Variants in LARGE1 observed in about 807,000 individuals in gnomAD.
LARGE1 encodes the protein xylosyl- and glucuronyltransferase LARGE1.
A neutral mutation model predicts 87.6 loss-of-function variants in LARGE1; 43 were observed. The ratio of observed to expected loss-of-function variants is 0.49; its 90% CI spans 0.38 to 0.63. The LOEUF is 0.63. Ranked by LOEUF, LARGE1 falls within the 30% of genes least tolerant of loss-of-function variation. The pLI, the probability that LARGE1 is intolerant of heterozygous loss-of-function variation, is 0.00. For synonymous variants in LARGE1, 434 were observed against 394.6 expected, an observed-to-expected ratio of 1.10 and a Z score of -1.18; for missense variants, 802 against 1,000.2, an observed-to-expected ratio of 0.80 and a Z score of 2.67.
chr22:33,078,659 T>C, the LARGE1 span, among the ~76,000 whole-genome samples: 1 of 152,210 alleles, frequency 6.6e-6, no homozygotes, highest in Non-Finnish European at 1.5e-5. Flanking sequence ...TTTGAATCCT[T>C]ACAAATCAAT....
At chr22:33,510,667 G>C (rs539933167) in intron 6 of LARGE1, among the ~76,000 whole-genome samples, 1 of 152,150 alleles carries the variant, frequency 6.6e-6, no homozygotes, top group Non-Finnish European at 1.5e-5. Flanking sequence ...CCTTGGCCTC[G>C]CAGGCTCAAA....
rs185582376 is a variant in LARGE1, at chr22:33,752,985, G to C, written c.106+8386C>G. 7.1e-4 allele frequency among the ~76,000 whole-genome samples: 108 copies of C among 152,332 alleles called. 1 individual carries two copies. Among genetic ancestry groups the C allele is most frequent in the African/African-American group, 2.5e-3 (105 of 41,582 alleles). On this transcript the variant is annotated intron_variant, in intron 2 of 14. Coordinates refer to ENST00000397394, the MANE Select transcript of LARGE1 (RefSeq NM_133642.5). ...GCCTGTAATCCCAGTACTTTGGGAG[G>C]CCAAGGCGGGTGGATCACGAGGTCA...
intron 6 of LARGE1, among the ~76,000 whole-genome samples, chr22:33,443,417 C>T (rs1219564471): frequency 6.6e-6 from 1 of 152,204 alleles, no homozygotes; most frequent in Non-Finnish European, 1.5e-5. Context: ...CCCAGCCCAC[C>T]TGCTCCTGTC....
chr22:33,731,992 A>C (rs1307626357), intron 2 of LARGE1, among the ~76,000 whole-genome samples: 1 of 152,230 alleles, frequency 6.6e-6, no homozygotes, highest in Non-Finnish European at 1.5e-5. Context: ...TAAGCATTCA[A>C]ATGCCTTGCT....
downstream of LARGE1, among the ~76,000 whole-genome samples, chr22:33,161,475 C>T (rs1922021253): frequency 6.6e-6 from 1 of 152,172 alleles, no homozygotes. Flanking sequence ...GTTCCTTCCA[C>T]CGATGAACTT....
intron 6 of LARGE1, among the ~76,000 whole-genome samples, chr22:33,529,596 T>C (rs1602272890): frequency 6.6e-6 from 1 of 152,142 alleles, no homozygotes; most frequent in African/African-American, 2.4e-5. Context: ...CTTAGGTGAA[T>C]CACTTCCCCC....
At chr22:33,270,426 A>G (rs1376272459), downstream of LARGE1, among the ~76,000 whole-genome samples, 1 of 152,208 alleles carries the variant, frequency 6.6e-6, no homozygotes, top group Non-Finnish European at 1.5e-5. Flanking sequence ...TTTAGTGGAA[A>G]GACAGGGGTT....
the LARGE1 span, among the ~76,000 whole-genome samples, chr22:33,127,668 G>C: frequency 6.6e-6 from 1 of 152,212 alleles, no homozygotes; most frequent in Non-Finnish European, 1.5e-5. Context: ...GGAGAAGACA[G>C]TGAGGGGTAA....
chr22:33,842,157 C>T (rs973320794), intron 1 of LARGE1, among the ~76,000 whole-genome samples: 1 of 152,062 alleles, frequency 6.6e-6, no homozygotes, highest in African/African-American at 2.4e-5. Context: ...AAAGTAAAAT[C>T]GAAAAGCTTT....
intron 12 of LARGE1, among the ~76,000 whole-genome samples, chr22:33,287,696 C>T (rs1319895267): frequency 6.6e-6 from 1 of 152,170 alleles, no homozygotes; most frequent in African/African-American, 2.4e-5. Flanking sequence ...AAAGTGAGTC[C>T]TGCAGAGGAT....
At chr22:33,768,430 G>A (rs1006715580) in intron 1 of LARGE1, among the ~76,000 whole-genome samples, 14 of 119,842 alleles carry the variant, frequency 1.2e-4, no homozygotes, top group Middle Eastern at 4.4e-3. Context: ...AATCCAACGC[G>A]CGCGCTCACA....
chr22:33,093,451 T>C, the LARGE1 span, among the ~76,000 whole-genome samples: 2 of 151,820 alleles, frequency 1.3e-5, no homozygotes, highest in African/African-American at 4.8e-5. Flanking sequence ...ATGGGAGAGG[T>C]AGAGGAGGGA....
intron 9 of LARGE1, among the ~76,000 whole-genome samples, chr22:33,373,350 G>A (rs933622950): frequency 1.3e-5 from 2 of 152,218 alleles, no homozygotes; most frequent in African/African-American, 2.4e-5. Flanking sequence ...GCCATCTTCT[G>A]AACTGCAGTT....
At chr22:33,516,275 C>G (rs919980714) in intron 6 of LARGE1, among the ~76,000 whole-genome samples, 1 of 151,972 alleles carries the variant, frequency 6.6e-6, no homozygotes, top group African/African-American at 2.4e-5. Flanking sequence ...CCTGGTGTGA[C>G]GAAGGCAGGC....
At chr22:33,357,153 G>A (rs1255057467) in intron 9 of LARGE1, among the ~76,000 whole-genome samples, 1 of 150,988 alleles carries the variant, frequency 6.6e-6, no homozygotes, top group African/African-American at 2.4e-5. Context: ...AAGAAAATGT[G>A]GAGTGTAGGT....
At chr22:33,916,218 T>C (rs560130771) in intron 1 of LARGE1, among the ~76,000 whole-genome samples, 4 of 151,656 alleles carry the variant, frequency 2.6e-5, no homozygotes, top group Non-Finnish European at 5.9e-5. Flanking sequence ...GAGGCGGAGG[T>C]TGCAGTGAGC....
the LARGE1 span, among the ~76,000 whole-genome samples, chr22:33,146,199 T>C: frequency 6.6e-6 from 1 of 152,110 alleles, no homozygotes. Flanking sequence ...TAAAGCACAA[T>C]TGCATGGGTG....
chr22:33,084,307 G>C, the LARGE1 span, among the ~76,000 whole-genome samples: 1 of 152,004 alleles, frequency 6.6e-6, no homozygotes, highest in African/African-American at 2.4e-5. Flanking sequence ...TTAGTTTTCT[G>C]CTTGAAGGAA....
At chr22:33,361,638 T>C (rs2064389360) in intron 9 of LARGE1, among the ~76,000 whole-genome samples, 2 of 148,830 alleles carry the variant, frequency 1.3e-5, no homozygotes, top group South Asian at 4.5e-4. Flanking sequence ...TGTCTGGGAG[T>C]TTGGATATCA....
Sources: gnomAD v4.1 joint callset for allele counts (sites outside exome capture counted in the v4.1 genomes callset) on GRCh38, gnomAD v4.1.1 for gene constraint, MANE v1.5 for transcripts, NCBI Gene and HGNC (gene_info 2026-07-23, HGNC 2026-07-21) for gene names.